Variants in VPS36 observed in about 807,000 individuals in gnomAD.
VPS36 encodes vacuolar protein-sorting-associated protein 36.
In VPS36, 31 loss-of-function variants were observed where a neutral mutation model predicts 63.5. That is an observed-to-expected ratio of 0.49 (90% CI 0.37 to 0.66). The LOEUF (loss-of-function observed/expected upper bound fraction) is 0.66. VPS36 is among the 30% of genes least tolerant of loss of function. VPS36 has a pLI of 0.00. For synonymous variants in VPS36, 138 were observed against 157.2 expected (o/e 0.88, Z 0.91); for missense variants, 338 against 463.7 (o/e 0.73, Z 2.49).
intron 1 of VPS36, among the ~76,000 whole-genome samples, chr13:52,447,438 T>A (rs1228119289): frequency 6.6e-6 from 1 of 152,212 alleles, no homozygotes; most frequent in Non-Finnish European, 1.5e-5. Flanking sequence ...TACATTATTT[T>A]TTAAATTGGC....
rs1957983165 is a variant in VPS36, at chr13:52,415,262, C to T, written c.*568G>A. ...GTCATGAAATCATCACTTAAAAAAACAAAGAGAAACTAGATAGAATATATA... is the reference window on the plus strand; with the variant it reads ...GTCATGAAATCATCACTTAAAAAAATAAAGAGAAACTAGATAGAATATATA... On this transcript the variant is annotated 3_prime_UTR_variant, in exon 14 of 14. Transcript: ENST00000378060. 6.6e-6 allele frequency: 1 copy of T among 151,992 alleles called. No homozygotes were observed. Among genetic ancestry groups the T allele is most frequent in the East Asian group, 1.9e-4 (1 of 5,202 alleles). 9.4% of individuals were successfully genotyped at this position (151,992 alleles called of 1,614,324 possible).
chr13:52,440,157 T>G (rs536861907), intron 2 of VPS36, among the ~76,000 whole-genome samples: 8 of 152,050 alleles, frequency 5.3e-5, no homozygotes, highest in African/African-American at 1.7e-4. Context: ...TTTTGTATTT[T>G]TAGGAGAGAA....
chr13:52,443,323 A>G (rs1219766856), intron 1 of VPS36, among the ~76,000 whole-genome samples: 1 of 152,216 alleles, frequency 6.6e-6, no homozygotes, highest in East Asian at 1.9e-4. Flanking sequence ...TCATATGTTG[A>G]AGCCCTAACC....
At chr13:52,426,571 G>A (rs1220241078) in intron 8 of VPS36, among the ~76,000 whole-genome samples, 1 of 152,118 alleles carries the variant, frequency 6.6e-6, no homozygotes, top group Non-Finnish European at 1.5e-5. Context: ...ATATCCTCAA[G>A]TCCTAAAAGA....
rs1958097224 is a variant in VPS36, at chr13:52,425,924, G to C, written c.774+8C>G. ...GTTTAAAAAAAAACACATAGGTTTAGTTTTTACCTCTAAAGGCACCTGCAA... is the reference window on the plus strand; with the variant it reads ...GTTTAAAAAAAAACACATAGGTTTACTTTTTACCTCTAAAGGCACCTGCAA... On this transcript the variant is annotated splice_region_variant and intron_variant, in intron 9 of 13. Transcript: ENST00000378060. 3 of 1,608,142 alleles carry C rather than the reference G, an allele frequency of 1.9e-6. No individual in the cohort carries two copies. The highest frequency in any genetic ancestry group is 1.3e-5 in the African/African-American group (1 of 74,606).
At chr13:52,423,776 C>T (rs1228835154) in intron 9 of VPS36, 137 bp from the exon 10 acceptor site, 2 of 679,654 alleles carry the variant, frequency 2.9e-6, no homozygotes, top group Non-Finnish European at 4.8e-6. Flanking sequence ...TTTATTTATA[C>T]AAAGGAGAAC....
chr13:52,424,860 C>A (rs767140563), intron 9 of VPS36, among the ~76,000 whole-genome samples: 2 of 151,810 alleles, frequency 1.3e-5, no homozygotes, highest in Non-Finnish European at 2.9e-5. Context: ...TGGTGGTGGG[C>A]GCCTGTAATC....
At chr13:52,425,591 A>G (rs61958053) in intron 9 of VPS36, among the ~76,000 whole-genome samples, 7,162 of 152,258 alleles carry the variant, frequency 0.047, 176 homozygotes, top group South Asian at 0.084. Flanking sequence ...AGATGAATCT[A>G]TATTATGGAA....
At chr13:52,449,351 T>G (rs9596654) in intron 1 of VPS36, among the ~76,000 whole-genome samples, 1 of 152,076 alleles carries the variant, frequency 6.6e-6, no homozygotes, top group Non-Finnish European at 1.5e-5. Context: ...ATAAATAAAT[T>G]AATTAATTAA....
intron 1 of VPS36, among the ~76,000 whole-genome samples, chr13:52,445,134 G>A (rs1395063158): frequency 1.3e-5 from 2 of 152,270 alleles, no homozygotes; most frequent in African/African-American, 4.8e-5. Flanking sequence ...ACTTCAACAT[G>A]TCAGAGAATA....
At chr13:52,423,479 T>G (rs1028540626) in intron 10 of VPS36, 95 bp downstream of exon 10, 2 of 1,069,604 alleles carry the variant, frequency 1.9e-6, no homozygotes, top group Non-Finnish European at 2.8e-6. Flanking sequence ...TCAAAATAGC[T>G]TTGATATTCA....
intron 3 of VPS36, among the ~76,000 whole-genome samples, chr13:52,437,767 A>G (rs1159964968): frequency 6.6e-6 from 1 of 152,064 alleles, no homozygotes; most frequent in Non-Finnish European, 1.5e-5. Context: ...CGTCTCTACT[A>G]AAAATACAAA....
At chr13:52,432,831 C>T (rs1958173682) in intron 6 of VPS36, among the ~76,000 whole-genome samples, 1 of 152,116 alleles carries the variant, frequency 6.6e-6, no homozygotes, top group African/African-American at 2.4e-5. Context: ...CCTTGGTTCC[C>T]CAACAGTAAT....
At chr13:52,416,958 G>C (rs1422273337) in intron 12 of VPS36, 99 bp downstream of exon 12, 4 of 995,206 alleles carry the variant, frequency 4.0e-6, no homozygotes, top group Non-Finnish European at 5.9e-6. Context: ...TACTTTTTCA[G>C]TAAAGTTAAA....
chr13:52,436,186 T>C (rs1292350030), intron 4 of VPS36, 104 bp downstream of exon 4: 4 of 713,350 alleles, frequency 5.6e-6, no homozygotes, highest in Admixed American at 5.4e-5. Flanking sequence ...GTATGTTGTA[T>C]AATACTACCT....
intron 12 of VPS36, 31 bp downstream of exon 12, chr13:52,417,025 TC>T: frequency 6.2e-7 from 1 of 1,602,026 alleles, no homozygotes; most frequent in Admixed American, 1.7e-5. Context: ...CATAGCAAGC[TC>T]TAAAGACTGG....
chr13:52,434,757 T>C, intron 5 of VPS36, 36 bp downstream of exon 5: 1 of 1,578,668 alleles, frequency 6.3e-7, no homozygotes, highest in South Asian at 1.1e-5. Flanking sequence ...AGTACAGAGT[T>C]GAAAATACTG....
intron 10 of VPS36, among the ~76,000 whole-genome samples, chr13:52,418,507 G>A (rs1958014846): frequency 1.3e-5 from 2 of 148,982 alleles, no homozygotes; most frequent in South Asian, 4.3e-4. Context: ...CCCAGGAGGC[G>A]GAGTTTGCAG....
rs553269981 is a variant in VPS36 at position 52,444,319 on chromosome 13, G to A, written c.97-1874C>T. 2.5e-3 allele frequency among the ~76,000 whole-genome samples: 383 copies of A among 151,966 alleles called. 1 individual carries two copies. Among genetic ancestry groups the A allele is most frequent in the Admixed American group, 4.6e-3 (70 of 15,266 alleles). On this transcript the variant is annotated intron_variant, in intron 1 of 13. Transcript: ENST00000378060. ...TTAAAAAATACAAAAAATTAGCCAC[G>A]TGTGGTGGCGGGTGCCTGTAGTCCC...
Sources: gnomAD v4.1 joint callset for allele counts (sites outside exome capture counted in the v4.1 genomes callset) on GRCh38, gnomAD v4.1.1 for gene constraint, MANE v1.5 for transcripts, NCBI Gene and HGNC (gene_info 2026-07-23, HGNC 2026-07-21) for gene names.